The following MAMLD1 variants were observed in gnomAD, a reference collection of about 807,000 sequenced individuals.
The protein encoded by MAMLD1 is mastermind-like domain-containing protein 1.
In MAMLD1, 14 loss-of-function variants were observed where a neutral mutation model predicts 45.0. The observed-to-expected ratio is 0.31, with a 90% CI of 0.21 to 0.49. The LOEUF is 0.49. MAMLD1 is among the 20% of genes least tolerant of loss of function. The pLI is 0.99. For synonymous variants in MAMLD1, 254 were observed against 247.8 expected (o/e 1.02, Z -0.24); for missense variants, 543 against 603.6 (o/e 0.90, Z 1.05).
intron 5 of MAMLD1, among the ~76,000 whole-genome samples, chrX:150,480,505 G>C (rs2036719130): frequency 8.9e-6 from 1 of 112,012 alleles, no homozygotes; most frequent in Non-Finnish European, 1.9e-5. Flanking sequence ...CAGCAGAAAG[G>C]CCCAAAGAGA....
chrX:150,394,689 G>A (rs1417289768), intron 1 of MAMLD1, among the ~76,000 whole-genome samples: 1 of 110,956 alleles, frequency 9.0e-6, no homozygotes, highest in Non-Finnish European at 1.9e-5. Context: ...ATTTCATTTT[G>A]GGGGTGCTGA....
At chrX:150,371,902 C>T (rs12389985) in intron 1 of MAMLD1, among the ~76,000 whole-genome samples, 9,125 of 111,069 alleles carry the variant, frequency 0.082, 313 homozygotes, top group African/African-American at 0.12. Flanking sequence ...AGTAAAACCC[C>T]ATGATTTTAC....
chrX:150,455,422 A>AT (rs2035823071), intron 2 of MAMLD1, among the ~76,000 whole-genome samples: 2 of 112,394 alleles, frequency 1.8e-5, no homozygotes, highest in Non-Finnish European at 3.8e-5. Context: ...AATGCTGCTG[A>AT]GTAAACCATG....
Position 150,445,629 on chromosome X carries a change from T to C in MAMLD1, c.96+17T>C. The stretch of plus-strand genomic sequence containing the variant: ...CAGGAATCGGTCAGACAATGGGCCA[T>C]GGGGGGAGGGGGGTATTTAATGCTT... On this transcript the variant is annotated intron_variant, in intron 2 of 7. Coordinates refer to ENST00000370401, the MANE Select transcript of MAMLD1 (RefSeq NM_005491.5). 9.4e-7 allele frequency: 1 copy of C among 1,065,463 alleles called. No individual in the cohort carries two copies. 87.8% of individuals were successfully genotyped at this position (1,065,463 alleles called of 1,213,427 possible).
intron 5 of MAMLD1, among the ~76,000 whole-genome samples, chrX:150,496,796 G>A (rs1340729252): frequency 8.9e-6 from 1 of 112,299 alleles, no homozygotes; most frequent in Non-Finnish European, 1.9e-5. Flanking sequence ...AACCTCAGAA[G>A]TGGGAAGTAT....
At chrX:150,414,887 C>G (rs1399607515) in intron 1 of MAMLD1, among the ~76,000 whole-genome samples, 1 of 111,536 alleles carries the variant, frequency 9.0e-6, no homozygotes, top group Non-Finnish European at 1.9e-5. Context: ...TTTTGACAAC[C>G]CTTAAGCATG....
chrX:150,405,765 C>T (rs2033978129), intron 1 of MAMLD1, among the ~76,000 whole-genome samples: 1 of 111,474 alleles, frequency 9.0e-6, no homozygotes, highest in African/African-American at 3.3e-5. Context: ...TTAATATCAG[C>T]GAATTCCTCA....
At chrX:150,494,333 G>A (rs1486676938) in intron 5 of MAMLD1, among the ~76,000 whole-genome samples, 15 of 111,507 alleles carry the variant, frequency 1.3e-4, no homozygotes, top group Admixed American at 8.5e-4. Flanking sequence ...GGCGGAGGTT[G>A]CAGTGAGCCG....
chrX:150,452,238 T>G (rs1176090318), intron 2 of MAMLD1, among the ~76,000 whole-genome samples: 1 of 111,363 alleles, frequency 9.0e-6, no homozygotes. Flanking sequence ...AATAACAGAG[T>G]TATTTGCAGA....
chrX:150,394,642 A>G (rs2033344390), intron 1 of MAMLD1, among the ~76,000 whole-genome samples: 1 of 111,389 alleles, frequency 9.0e-6, no homozygotes, highest in South Asian at 3.8e-4. Context: ...TTCCTTATAT[A>G]GATCTTGTGC....
At chrX:150,451,041 C>T (rs1285386279) in intron 2 of MAMLD1, among the ~76,000 whole-genome samples, 1 of 112,866 alleles carries the variant, frequency 8.9e-6, no homozygotes, top group African/African-American at 3.2e-5. Context: ...GAGCACTGCT[C>T]AGCTTGCAGG....
chrX:150,404,576 A>G (rs2124526858), intron 1 of MAMLD1, among the ~76,000 whole-genome samples: 1 of 111,755 alleles, frequency 8.9e-6, no homozygotes, highest in East Asian at 2.8e-4. Context: ...GAAAATATCT[A>G]AAGTACAATT....
At chrX:150,462,100 T>G (rs2036058950) in intron 2 of MAMLD1, among the ~76,000 whole-genome samples, 1 of 111,972 alleles carries the variant, frequency 8.9e-6, no homozygotes, top group Non-Finnish European at 1.9e-5. Context: ...GTGGAGGGCT[T>G]TGTCATCAGA....
chrX:150,463,380 G>A (rs144753585), intron 3 of MAMLD1, among the ~76,000 whole-genome samples: 264 of 111,995 alleles, frequency 2.4e-3, no homozygotes, highest in African/African-American at 7.8e-3. Context: ...AACATGAGTG[G>A]GTGTGAGCAG....
At chrX:150,472,599 C>T (rs1247647727) in intron 4 of MAMLD1, among the ~76,000 whole-genome samples, 2 of 112,237 alleles carry the variant, frequency 1.8e-5, no homozygotes, top group Non-Finnish European at 3.8e-5. Context: ...CACAGAGCAT[C>T]TCACAACATG....
intron 2 of MAMLD1, among the ~76,000 whole-genome samples, chrX:150,450,165 T>C (rs2035615698): frequency 9.0e-6 from 1 of 111,276 alleles, no homozygotes; most frequent in Non-Finnish European, 1.9e-5. Context: ...AGGTAAAGAG[T>C]AGAAGCAAAC....
intron 5 of MAMLD1, among the ~76,000 whole-genome samples, chrX:150,480,943 A>G (rs1203023629): frequency 4.4e-5 from 5 of 112,370 alleles, no homozygotes; most frequent in African/African-American, 1.3e-4. Flanking sequence ...CCCCTGTAGC[A>G]TGCTACCAAA....
At position 150,382,883 on chromosome X, in the gene MAMLD1, TTA is replaced by T. The variant is rs1435717540; in HGVS notation, c.-64+19355_-64+19356del. On this transcript the variant is annotated intron_variant, in intron 1 of 7. Coordinates refer to ENST00000370401, the MANE Select transcript of MAMLD1 (RefSeq NM_005491.5). Reference sequence around the variant, plus strand: ...TACAAATATTTTGTCCCATTTTATTTTATTTTTTTTTTTTTTTATTTTTTATT... The same window carrying T: ...TACAAATATTTTGTCCCATTTTATTTTTTTTTTTTTTTTTTATTTTTTATT... Among the ~76,000 whole-genome samples, 67 of 19,712 alleles carry T rather than the reference TTA, an allele frequency of 3.4e-3. 12 individuals are homozygous for T. In the East Asian group the frequency reaches 0.037, roughly 11 times the overall value. 17.1% of individuals were successfully genotyped at this position (19,712 alleles called of 115,157 possible).
At chrX:150,449,649 CT>C (rs2035600737) in intron 2 of MAMLD1, among the ~76,000 whole-genome samples, 1 of 111,500 alleles carries the variant, frequency 9.0e-6, no homozygotes, top group Non-Finnish European at 1.9e-5. Context: ...AGGTTTCTTT[CT>C]TCTTGAGGTC....
Sources: gnomAD v4.1 joint callset for allele counts (sites outside exome capture counted in the v4.1 genomes callset) on GRCh38, gnomAD v4.1.1 for gene constraint, MANE v1.5 for transcripts, NCBI Gene and HGNC (gene_info 2026-07-23, HGNC 2026-07-21) for gene names.